CTSG: variants seen among roughly 807,000 people sequenced by gnomAD.
The protein encoded by CTSG is cathepsin G.
A neutral mutation model predicts 23.0 loss-of-function variants in CTSG; 23 were observed. The observed-to-expected ratio is 1.00, with a 90% CI of 0.72 to 1.42. The LOEUF is 1.42. CTSG is among the 40% of genes most tolerant of loss of function. The pLI is 0.00. For synonymous variants in CTSG, 140 were observed against 130.4 expected (o/e 1.07, Z -0.50); for missense variants, 312 against 326.2 (o/e 0.96, Z 0.33).
Position 24,573,698 on chromosome 14 carries a change from G to T in CTSG, c.707C>A (p.Pro236His), listed in dbSNP as rs773668643. 6.2e-7 allele frequency: 1 copy of T among 1,614,052 alleles called. No homozygotes were observed. The highest frequency in any genetic ancestry group is 1.3e-5 in the African/African-American group (1 of 74,972). The change falls in exon 5 of 5, where the codon CCC (proline) becomes CAC (histidine). Residue 236 changes from proline (P) to histidine (H), a missense_variant. Coordinates refer to ENST00000216336, the MANE Select transcript of CTSG (RefSeq NM_001911.3). ...GCTTCTCATTGTTGTCCTTATCCAG[G>T]GCAGGAAACTTGAGACCCTGGTGAA... ...EVFTRVSSFL[P>H]WIRTTMRSFK... is the part of the protein sequence containing the mutation.
Position 24,573,798 on chromosome 14 carries a change from C to T in CTSG, c.607G>A (p.Gly203Ser). 1 of 1,613,890 alleles carries T rather than the reference C, an allele frequency of 6.2e-7. No homozygotes were observed. Among genetic ancestry groups the T allele is most frequent in the East Asian group, 2.2e-5 (1 of 44,872 alleles). The change falls in exon 5 of 5, where the codon GGC becomes AGC. Residue 203 changes from glycine to serine, a missense_variant. By Grantham distance (56) the Gly-to-Ser change is moderately conservative. Transcript: ENST00000216336. Reference sequence around the variant, plus strand: ...GCCACATTGTTACACAGCAGGGGGCCTCCGGAATCCCCCTGTAGGTAGAGA... The same window carrying T: ...GCCACATTGTTACACAGCAGGGGGCTTCCGGAATCCCCCTGTAGGTAGAGA... ...RKAAFKGDSG[G>S]PLLCNNVAHG...
At chr14:24,575,144 G>T in intron 2 of CTSG, 121 bp downstream of exon 2, 1 of 1,148,064 alleles carries the variant, frequency 8.7e-7, no homozygotes, top group Non-Finnish European at 1.3e-6. Flanking sequence ...CTCCCGCAAA[G>T]ACTCACTTGG....
Position 24,575,412 on chromosome 14 carries a change from C to T in CTSG, c.56G>A (p.Gly19Glu), listed in dbSNP as rs374772459. 16 of 1,613,992 alleles carry T rather than the reference C, an allele frequency of 9.9e-6. No homozygotes were observed. The highest frequency in any genetic ancestry group is 1.3e-5 in the African/African-American group (1 of 74,928). ...AFLLPTGAEA[G>E]EIIGGRESRP... ...GCTCTCCCGGCCTCCGATGATCTCC[C>T]CTGGAAGGAAGCATTTGGCACTTAG... Residue 19 changes from glycine to glutamate, a missense_variant and splice_region_variant, in exon 2 of 5, where the codon GGG (glycine) becomes GAG (glutamate). Coordinates refer to ENST00000216336, the MANE Select transcript of CTSG (RefSeq NM_001911.3).
intron 1 of CTSG, among the ~76,000 whole-genome samples, chr14:24,575,680 A>G (rs1326311645): frequency 1.3e-5 from 2 of 152,072 alleles, no homozygotes; most frequent in Non-Finnish European, 2.9e-5. Flanking sequence ...AGGGAGAACA[A>G]CCCTTGTTCC....
chr14:24,574,822 A>C lies in CTSG; in HGVS notation c.204-12T>G. On this transcript the variant is annotated splice_polypyrimidine_tract_variant and intron_variant, in intron 2 of 4. Coordinates refer to ENST00000216336, the MANE Select transcript of CTSG (RefSeq NM_001911.3). ...TGACATTTATATTGCTGCAAAAGCA[A>C]GAGGTAGGTCTGGGCTGCAGGAGCT... 1 of 1,613,146 alleles carries C rather than the reference A, an allele frequency of 6.2e-7. No individual in the cohort carries two copies. The highest frequency in any genetic ancestry group is 8.5e-7 in the Non-Finnish European group (1 of 1,180,002).
intron 1 of CTSG, among the ~76,000 whole-genome samples, chr14:24,575,654 T>G (rs1029195802): frequency 6.6e-6 from 1 of 152,104 alleles, no homozygotes; most frequent in Admixed American, 6.5e-5. Flanking sequence ...CTCACCTCCC[T>G]CCTCCTCTCC....
Position 24,575,325 on chromosome 14 carries a change from C to T in CTSG, c.143G>A (p.Arg48Lys). The change falls in exon 2 of 5, where the codon AGA becomes AAA. Residue 48 changes from arginine (R) to lysine (K), a missense_variant. By Grantham distance (26) the Arg-to-Lys change is conservative. Transcript: ENST00000216336. ...TTCTCGCACCAGGAACCCTCCACATCTGCTCTGACCTGCTGGACTCTGGAT... is the reference window on the plus strand; with the variant it reads ...TTCTCGCACCAGGAACCCTCCACATTTGCTCTGACCTGCTGGACTCTGGAT... ...LQIQSPAGQS[R>K]CGGFLVREDF... 1 of 1,614,222 alleles carries T rather than the reference C, an allele frequency of 6.2e-7. No individual in the cohort carries two copies. The highest frequency in any genetic ancestry group is 8.5e-7 in the Non-Finnish European group (1 of 1,180,042).
chr14:24,576,191 G>C lies in CTSG; in HGVS notation c.33C>G (p.Leu11=). 6.2e-7 allele frequency: 1 copy of C among 1,610,918 alleles called. No homozygotes were observed. The highest frequency in any genetic ancestry group is 8.5e-7 in the Non-Finnish European group (1 of 1,178,796). Residue 11 remains leucine (L), a synonymous_variant, in exon 1 of 5, where the codon CTC becomes CTG. Coordinates refer to ENST00000216336, the MANE Select transcript of CTSG (RefSeq NM_001911.3). MQPLLLLLAF[L]LPTGAEAGEI... ...CACCTGCCTCAGCCCCAGTGGGTAG[G>C]AGAAAGGCCAGCAGAAGCAGGAGTG...
chr14:24,574,733 G>A lies in CTSG; in HGVS notation c.281C>T (p.Ala94Val). The A allele has an allele frequency of 6.2e-7, 1 of 1,614,196 alleles. No individual in the cohort carries two copies. Among genetic ancestry groups the A allele is most frequent in the Non-Finnish European group, 8.5e-7 (1 of 1,180,036 alleles). Residue 94 changes from alanine to valine, a missense_variant, in exon 3 of 5, where the codon GCC becomes GTC. Physicochemically the swap from Ala to Val is moderately conservative, Grantham distance 64 (BLOSUM62 0). Coordinates refer to ENST00000216336, the MANE Select transcript of CTSG (RefSeq NM_001911.3). ...CTGATTATATTGAGGGTGGCGGATG[G>A]CTCTGCGCGCAGTGATGTGTTGCTG... ...NTQQHITARRAIRHPQYNQRT... is the reference protein window; with the variant it reads ...NTQQHITARRVIRHPQYNQRT...
chr14:24,574,115 G>C (rs1305050355), intron 4 of CTSG, 130 bp downstream of exon 4: 1 of 1,220,028 alleles, frequency 8.2e-7, no homozygotes, highest in Admixed American at 2.2e-5. Flanking sequence ...AGGTTGATGG[G>C]GAAAACAATC....
rs2066725157 is a variant in CTSG, at chr14:24,573,560, A to G, written c.*77T>C. The G allele has an allele frequency of 3.6e-6, 5 of 1,385,548 alleles. No homozygotes were observed. Among genetic ancestry groups the G allele is most frequent in the Non-Finnish European group, 4.9e-6 (5 of 1,014,048 alleles). 85.8% of individuals were successfully genotyped at this position (1,385,548 alleles called of 1,614,324 possible). A position where few individuals can be genotyped will look rare whatever the true frequency, so the allele number is the denominator to read the frequency against. On this transcript the variant is annotated 3_prime_UTR_variant, in exon 5 of 5. Coordinates refer to ENST00000216336, the MANE Select transcript of CTSG (RefSeq NM_001911.3). The stretch of plus-strand genomic sequence containing the variant: ...TTAATGAACAAATGAGGAATTGGTT[A>G]TTTATACTCTGTGGACGTTTATTAA...
rs758925309 is a variant in CTSG, at chr14:24,574,398, C to A, written c.441G>T (p.Trp147Cys). 6.2e-7 allele frequency: 1 copy of A among 1,612,666 alleles called. No individual in the cohort carries two copies. Among genetic ancestry groups the A allele is most frequent in the Admixed American group, 1.7e-5 (1 of 60,032 alleles). ...TTCCCCTCCTCATGCTGACCCTGCC[C>A]CAGCCGGCCACAGTGCACAGCGTCC... ...RPGTLCTVAG[W>C]GRVSMRRGTD... The change falls in exon 4 of 5, where the codon TGG (tryptophan) becomes TGT (cysteine). Residue 147 changes from tryptophan to cysteine, a missense_variant. Physicochemically the swap from Trp to Cys is radical, Grantham distance 215. Coordinates refer to ENST00000216336, the MANE Select transcript of CTSG (RefSeq NM_001911.3).
chr14:24,574,424 C>A lies in CTSG; in HGVS notation c.415G>T (p.Gly139Trp). 6.2e-7 allele frequency: 1 copy of A among 1,613,702 alleles called. No homozygotes were observed. Among genetic ancestry groups the A allele is most frequent in the Non-Finnish European group, 8.5e-7 (1 of 1,180,040 alleles). Residue 139 changes from glycine (G) to tryptophan (W), a missense_variant, in exon 4 of 5, where the codon GGG becomes TGG. Physicochemically the swap from Gly to Trp is radical, Grantham distance 184. Transcript: ENST00000216336. ...CAGCCGGCCACAGTGCACAGCGTCC[C>A]GGGTCTCAGTCCCTCCTGGGCTCTA... ...LPRAQEGLRP[G>W]TLCTVAGWGR...
Position 24,573,576 on chromosome 14 carries a change from C to A in CTSG, c.*61G>T. 1 of 1,477,626 alleles carries A rather than the reference C, an allele frequency of 6.8e-7. No homozygotes were observed. The allele number at this position is 1,477,626 out of a possible 1,614,324, so 91.5% of individuals were successfully genotyped here. A position where few individuals can be genotyped will look rare whatever the true frequency, so the allele number is the denominator to read the frequency against. ...GAATTGGTTATTTATACTCTGTGGA[C>A]GTTTATTAAGGCTCTGGCAACACTG... On this transcript the variant is annotated 3_prime_UTR_variant, in exon 5 of 5. Coordinates refer to ENST00000216336, the MANE Select transcript of CTSG (RefSeq NM_001911.3).
Position 24,575,377 on chromosome 14 carries a change from A to C in CTSG, c.91T>G (p.Ser31Ala), listed in dbSNP as rs1594807477. Residue 31 changes from serine to alanine, a missense_variant, in exon 2 of 5, where the codon TCC becomes GCC. Ser to Ala is a moderately conservative substitution (Grantham distance 99, BLOSUM62 1). Coordinates refer to ENST00000216336, the MANE Select transcript of CTSG (RefSeq NM_001911.3). Reference protein sequence around the residue: ...IIGGRESRPHSRPYMAYLQIQ... With the variant: ...IIGGRESRPHARPYMAYLQIQ... ...TGAAGATACGCCATGTAGGGGCGGG[A>C]GTGGGGCCTGCTCTCCCGGCCTCCG... The C allele has an allele frequency of 6.2e-7, 1 of 1,613,908 alleles. No individual in the cohort carries two copies. The highest frequency in any genetic ancestry group is 1.3e-5 in the African/African-American group (1 of 74,858).
At chr14:24,575,961 C>G (rs1456252700) in intron 1 of CTSG, among the ~76,000 whole-genome samples, 1 of 152,194 alleles carries the variant, frequency 6.6e-6, no homozygotes, top group Admixed American at 6.5e-5. Context: ...AGTGTGCGGG[C>G]AATTCCAAGA....
chr14:24,576,241 C>G lies in CTSG; in HGVS notation c.-18G>C, dbSNP rs1317055243. ...GGCTGCATCTTTCCTGAAAGGCTGC[C>G]CAGTCAGTTGCTGCTGTGCTTCCTC... On this transcript the variant is annotated 5_prime_UTR_variant, in exon 1 of 5. Transcript: ENST00000216336. 2 of 1,599,228 alleles carry G rather than the reference C, an allele frequency of 1.3e-6. No individual in the cohort carries two copies. The highest frequency in any genetic ancestry group is 1.7e-5 in the Admixed American group (1 of 58,012).
chr14:24,574,058 T>C (rs1035805425), intron 4 of CTSG, among the ~76,000 whole-genome samples, 187 bp downstream of exon 4: 1 of 152,096 alleles, frequency 6.6e-6, no homozygotes, highest in Non-Finnish European at 1.5e-5. Flanking sequence ...CAGGAGAATG[T>C]TGCCTATGTA....
chr14:24,574,574 C>T (rs2066731852), intron 3 of CTSG, 75 bp from the exon 4 acceptor site: 1 of 1,610,620 alleles, frequency 6.2e-7, no homozygotes, highest in African/African-American at 1.3e-5. Context: ...GTGCAGTACA[C>T]ATCCCATGCC....
Sources: gnomAD v4.1 joint callset for allele counts (sites outside exome capture counted in the v4.1 genomes callset) on GRCh38, gnomAD v4.1.1 for gene constraint, MANE v1.5 for transcripts, NCBI Gene and HGNC (gene_info 2026-07-23, HGNC 2026-07-21) for gene names.